Variants in ASCC3 observed in about 807,000 individuals in gnomAD.
The protein encoded by ASCC3 is activating signal cointegrator 1 complex subunit 3.
In ASCC3, 158 loss-of-function variants were observed where a neutral mutation model predicts 256.3. The observed-to-expected ratio is 0.62, with a 90% CI of 0.54 to 0.70. The LOEUF (loss-of-function observed/expected upper bound fraction) is 0.70, where lower values mean the gene tolerates loss of function less well. Among genes scored for constraint, ASCC3 ranks in the 30% least tolerant of loss-of-function variants. The probability of loss-of-function intolerance (pLI) is 0.00; values close to 1 mark genes in which losing one functional copy is unlikely to be tolerated. For synonymous variants in ASCC3, 948 were observed against 883.4 expected, an observed-to-expected ratio of 1.07 and a Z score of -1.30; for missense variants, 2,259 against 2,626.0, an observed-to-expected ratio of 0.86 and a Z score of 3.05.
chr6:100,557,124 T>C (rs981840833), intron 36 of ASCC3, among the ~76,000 whole-genome samples: 1 of 152,184 alleles, frequency 6.6e-6, no homozygotes, highest in Non-Finnish European at 1.5e-5. Flanking sequence ...GACTAAGTTT[T>C]GTTGACTTAT....
At chr6:100,547,501 C>T (rs896327536) in intron 36 of ASCC3, among the ~76,000 whole-genome samples, 2 of 151,794 alleles carry the variant, frequency 1.3e-5, no homozygotes, top group Non-Finnish European at 2.9e-5. Flanking sequence ...TCTCAAAGCT[C>T]CAACAATGAG....
intron 33 of ASCC3, among the ~76,000 whole-genome samples, chr6:100,602,157 T>C (rs895718199): frequency 3.9e-5 from 6 of 152,064 alleles, no homozygotes; most frequent in African/African-American, 1.4e-4. Context: ...CATGAGTCTA[T>C]AAATCACTTA....
At chr6:100,722,315 G>A (rs1006074610) in intron 11 of ASCC3, among the ~76,000 whole-genome samples, 3 of 151,526 alleles carry the variant, frequency 2.0e-5, no homozygotes, top group Non-Finnish European at 4.4e-5. Context: ...TTGGCTATTT[G>A]GGCTCTTTTT....
At chr6:100,692,362 A>T (rs970388380) in intron 13 of ASCC3, among the ~76,000 whole-genome samples, 2 of 152,026 alleles carry the variant, frequency 1.3e-5, no homozygotes, top group African/African-American at 2.4e-5. Context: ...TGCTGAAGAA[A>T]TTTTTTTAAA....
intron 4 of ASCC3, among the ~76,000 whole-genome samples, chr6:100,813,816 A>G (rs1770606838): frequency 6.6e-6 from 1 of 151,826 alleles, no homozygotes. Context: ...AAAATACAAG[A>G]ATTTTTATCA....
chr6:100,626,147 G>T (rs1010556309), intron 29 of ASCC3, among the ~76,000 whole-genome samples: 2 of 136,956 alleles, frequency 1.5e-5, no homozygotes, highest in Non-Finnish European at 3.3e-5. Context: ...GAGGTTTTTT[G>T]TTTGTTTGTT....
At chr6:100,824,098 G>A (rs1285638021) in intron 4 of ASCC3, among the ~76,000 whole-genome samples, 1 of 152,142 alleles carries the variant, frequency 6.6e-6, no homozygotes, top group Non-Finnish European at 1.5e-5. Context: ...GAGGTAAACT[G>A]AGGGTTTGTG....
At chr6:100,695,262 G>A (rs888837271) in intron 13 of ASCC3, among the ~76,000 whole-genome samples, 1 of 151,950 alleles carries the variant, frequency 6.6e-6, no homozygotes, top group African/African-American at 2.4e-5. Flanking sequence ...GAAACTAAAC[G>A]GACATGATAA....
chr6:100,578,627 AT>A (rs1160162830), intron 36 of ASCC3, among the ~76,000 whole-genome samples: 1 of 151,978 alleles, frequency 6.6e-6, no homozygotes, highest in Non-Finnish European at 1.5e-5. Context: ...ATAGTTTTCC[AT>A]GGTGTATATG....
chr6:100,657,633 T>C (rs1582645977), intron 16 of ASCC3, among the ~76,000 whole-genome samples: 1 of 151,270 alleles, frequency 6.6e-6, no homozygotes, highest in East Asian at 1.9e-4. Context: ...GTAGAAAAAT[T>C]TATAAGGGAT....
chr6:100,593,610 T>G (rs1410666001), intron 34 of ASCC3, among the ~76,000 whole-genome samples: 1 of 152,134 alleles, frequency 6.6e-6, no homozygotes, highest in Non-Finnish European at 1.5e-5. Flanking sequence ...TTGGTTTATG[T>G]AAACCTGTTC....
At chr6:100,862,506 A>G (rs950835763) in intron 3 of ASCC3, among the ~76,000 whole-genome samples, 1 of 152,208 alleles carries the variant, frequency 6.6e-6, no homozygotes, top group Non-Finnish European at 1.5e-5. Flanking sequence ...CGTAACAGAA[A>G]CACAATCCAG....
intron 4 of ASCC3, among the ~76,000 whole-genome samples, chr6:100,840,356 G>A (rs1237302735): frequency 1.3e-5 from 2 of 151,666 alleles, no homozygotes; most frequent in Admixed American, 6.6e-5. Context: ...TTTGACAGGC[G>A]CTCACTCTGT....
At chr6:100,866,249 C>T (rs1235724281) in intron 2 of ASCC3, among the ~76,000 whole-genome samples, 3 of 152,160 alleles carry the variant, frequency 2.0e-5, no homozygotes, top group South Asian at 4.1e-4. Flanking sequence ...GGATTACAGG[C>T]GTGAGCCACA....
intron 30 of ASCC3, among the ~76,000 whole-genome samples, chr6:100,609,713 C>G (rs1773296483): frequency 6.6e-6 from 1 of 152,062 alleles, no homozygotes; most frequent in Admixed American, 6.6e-5. Context: ...GAAATCGAGA[C>G]TAGCCTGGCC....
intron 10 of ASCC3, among the ~76,000 whole-genome samples, chr6:100,726,472 A>G (rs545497018): frequency 1.0e-3 from 157 of 152,134 alleles, no homozygotes; most frequent in Non-Finnish European, 1.7e-3. Flanking sequence ...AAATTTTCAG[A>G]TATCAGAAAG....
chr6:100,539,578 A>G (rs899069951), intron 37 of ASCC3, among the ~76,000 whole-genome samples: 8 of 152,120 alleles, frequency 5.3e-5, no homozygotes, highest in African/African-American at 1.9e-4. Context: ...CTCCTTGAAT[A>G]TACCAAGTAA....
At chr6:100,867,105 A>T (rs554325114) in intron 2 of ASCC3, among the ~76,000 whole-genome samples, 1 of 152,338 alleles carries the variant, frequency 6.6e-6, no homozygotes, top group Admixed American at 6.5e-5. Context: ...AAATGTAGTC[A>T]TTGAACCTAT....
chr6:100,591,479 T>A (rs1771995881), intron 34 of ASCC3, among the ~76,000 whole-genome samples: 1 of 152,082 alleles, frequency 6.6e-6, no homozygotes, highest in Admixed American at 6.6e-5. Flanking sequence ...TTTGGCTTAC[T>A]AAGCCTATAA....
Sources: allele counts gnomAD v4.1 joint callset (sites outside exome capture counted in the v4.1 genomes callset), GRCh38; gene constraint gnomAD v4.1.1; transcripts MANE v1.5; gene names NCBI Gene and HGNC (gene_info 2026-07-23, HGNC 2026-07-21).